USP49: variants seen among roughly 807,000 people sequenced by gnomAD.
USP49 encodes ubiquitin carboxyl-terminal hydrolase 49.
Under a neutral mutation model 58.6 loss-of-function variants are expected in USP49, and 24 were observed. The observed-to-expected ratio is 0.41, with a 90% CI of 0.30 to 0.58. The LOEUF is 0.58. Ranked by LOEUF, USP49 falls within the 20% of genes least tolerant of loss-of-function variation. The pLI, the probability that USP49 is intolerant of heterozygous loss-of-function variation, is 0.30. For synonymous variants in USP49, 408 were observed against 365.1 expected, an observed-to-expected ratio of 1.12 and a Z score of -1.34; for missense variants, 703 against 866.1, an observed-to-expected ratio of 0.81 and a Z score of 2.36.
In USP49 at chr6:41,791,761, G is replaced by A. The variant is rs1772801848; in HGVS notation, c.*4772C>T. 1.3e-5 allele frequency: 2 copies of A among 152,190 alleles called. No individual in the cohort carries two copies. The highest frequency in any genetic ancestry group is 4.8e-5 in the African/African-American group (2 of 41,442). 9.4% of individuals were successfully genotyped at this position (152,190 alleles called of 1,614,324 possible). On this transcript the variant is annotated 3_prime_UTR_variant, in exon 8 of 8. Transcript: ENST00000682992. ...AGAGTGTGGGATGAATAAGTACATA[G>A]TAATTAAAGTCATAGTCCTGGCCCA...
chr6:41,841,022 A>G (rs954811747), intron 3 of USP49, among the ~76,000 whole-genome samples: 3 of 151,744 alleles, frequency 2.0e-5, no homozygotes, highest in Admixed American at 6.6e-5. Context: ...TTCAAAAAAA[A>G]AAACAAAAAA....
chr6:41,889,252 C>G (rs960755563), intron 2 of USP49, among the ~76,000 whole-genome samples: 1 of 152,034 alleles, frequency 6.6e-6, no homozygotes, highest in Admixed American at 6.6e-5. Flanking sequence ...AGGCTGGTCT[C>G]AAACTCCTGG....
chr6:41,858,234 G>A (rs954948960), intron 3 of USP49, among the ~76,000 whole-genome samples: 48 of 152,168 alleles, frequency 3.2e-4, no homozygotes, highest in Non-Finnish European at 2.5e-4. Flanking sequence ...CATAATGGGT[G>A]TAATAAATAT....
At chr6:41,808,251 A>AG (rs1773178296) in intron 3 of USP49, among the ~76,000 whole-genome samples, 1 of 152,182 alleles carries the variant, frequency 6.6e-6, no homozygotes, top group South Asian at 2.1e-4. Context: ...AAGAAAAAAA[A>AG]GCAACGAATC....
chr6:41,836,602 G>T lies in USP49; in HGVS notation c.-28-29591C>A, dbSNP rs76315033. On this transcript the variant is annotated intron_variant, in intron 3 of 7. Transcript: ENST00000682992. Reference sequence around the variant, plus strand: ...AAACTATATTTGCAGATGATATAATGTTATAACTAGATCTTGGACAAGGTA... The same window carrying T: ...AAACTATATTTGCAGATGATATAATTTTATAACTAGATCTTGGACAAGGTA... 1.6e-3 allele frequency among the ~76,000 whole-genome samples: 238 copies of T among 152,188 alleles called. 1 individual carries two copies. Among genetic ancestry groups the T allele is most frequent in the South Asian group, 9.5e-3 (46 of 4,822 alleles).
chr6:41,840,804 T>C (rs1030452116), intron 3 of USP49, among the ~76,000 whole-genome samples: 1 of 152,124 alleles, frequency 6.6e-6, no homozygotes, highest in Admixed American at 6.5e-5. Flanking sequence ...AATGTCTAAT[T>C]TTTAAAAAAC....
chr6:41,878,257 T>C (rs999199119), intron 2 of USP49, among the ~76,000 whole-genome samples: 1 of 152,178 alleles, frequency 6.6e-6, no homozygotes, highest in Non-Finnish European at 1.5e-5. Context: ...TGGGGCAGGC[T>C]GGGATAAAAG....
chr6:41,799,071 T>C, intron 6 of USP49, 142 bp from the exon 7 acceptor site: 5 of 805,476 alleles, frequency 6.2e-6, no homozygotes, highest in Middle Eastern at 4.0e-4. Flanking sequence ...TGGTAATCAA[T>C]GTTCACACTT....
Position 41,804,001 on chromosome 6 carries a change from T to C in USP49, c.1366A>G (p.Ile456Val), listed in dbSNP as rs1327787134. ...GTATTGGATTTGTAATTGCATGATA[T>C]ACATGTGACCTAGAATGAAAAGATT... Reference protein sequence around the residue: ...HGQLLSQVTCISCNYKSNTIE... With the variant: ...HGQLLSQVTCVSCNYKSNTIE... Residue 456 changes from isoleucine (I) to valine (V), a missense_variant, in exon 5 of 8, where the codon ATA becomes GTA. By Grantham distance (29) the Ile-to-Val change is conservative. Around this residue, in one of 6 missense-constraint regions of USP49, gnomAD observed 158 missense variants for 241.2 expected, o/e 0.66. Coordinates refer to ENST00000682992, the MANE Select transcript of USP49 (RefSeq NM_001286554.2). 1.2e-6 allele frequency: 2 copies of C among 1,614,026 alleles called. No homozygotes were observed. Among genetic ancestry groups the C allele is most frequent in the Admixed American group, 1.7e-5 (1 of 60,032 alleles).
chr6:41,863,419 T>C (rs1187253927), intron 3 of USP49, among the ~76,000 whole-genome samples: 4 of 152,194 alleles, frequency 2.6e-5, no homozygotes, highest in African/African-American at 7.2e-5. Context: ...CATGCCTGCA[T>C]TATTACTGTT....
At chr6:41,880,461 C>T (rs1005930109) in intron 2 of USP49, among the ~76,000 whole-genome samples, 4 of 152,086 alleles carry the variant, frequency 2.6e-5, no homozygotes, top group Admixed American at 2.6e-4. Context: ...GCATAACAGA[C>T]AAAACAAGGC....
intron 2 of USP49, among the ~76,000 whole-genome samples, chr6:41,889,101 C>A (rs1044386113): frequency 6.6e-6 from 1 of 151,590 alleles, no homozygotes; most frequent in Non-Finnish European, 1.5e-5. Flanking sequence ...GGCTTGATCT[C>A]GGCTCACTGC....
chr6:41,839,846 G>A (rs1417254062), intron 3 of USP49, among the ~76,000 whole-genome samples: 2 of 150,260 alleles, frequency 1.3e-5, no homozygotes, highest in African/African-American at 2.4e-5. Flanking sequence ...GGGGGTTAGG[G>A]TGGGAGGGGG....
intron 3 of USP49, among the ~76,000 whole-genome samples, chr6:41,808,503 G>A (rs966003249): frequency 6.7e-6 from 1 of 149,246 alleles, no homozygotes; most frequent in Non-Finnish European, 1.5e-5. Context: ...TCCACCTCCC[G>A]GGTTCAAGCG....
At chr6:41,853,999 C>CAA (rs752353657) in intron 3 of USP49, among the ~76,000 whole-genome samples, 14,798 of 58,434 alleles carry the variant, frequency 0.25, 3,482 homozygotes, top group East Asian at 0.34. Flanking sequence ...GACTCTGTCT[C>CAA]GAAAAAAAAA....
chr6:41,815,700 G>A (rs1773337771), intron 3 of USP49, among the ~76,000 whole-genome samples: 1 of 152,156 alleles, frequency 6.6e-6, no homozygotes, highest in South Asian at 2.1e-4. Flanking sequence ...TGTGTTCTTA[G>A]CTCTCTGACC....
At chr6:41,816,465 C>T (rs944469353) in intron 3 of USP49, among the ~76,000 whole-genome samples, 1 of 152,138 alleles carries the variant, frequency 6.6e-6, no homozygotes, top group Non-Finnish European at 1.5e-5. Context: ...TCTGTAATTA[C>T]ATCTCTGTTT....
chr6:41,844,003 C>G (rs1724820842), intron 3 of USP49, among the ~76,000 whole-genome samples: 1 of 151,986 alleles, frequency 6.6e-6, no homozygotes, highest in Non-Finnish European at 1.5e-5. Context: ...AAGATTGCAC[C>G]ATTGCCCTCC....
At chr6:41,854,295 C>T (rs945197807) in intron 3 of USP49, among the ~76,000 whole-genome samples, 5 of 132,164 alleles carry the variant, frequency 3.8e-5, no homozygotes, top group East Asian at 2.2e-4. Context: ...CCGGGCTGTG[C>T]GACAGAGCGA....
Sources: gnomAD v4.1 joint callset for allele counts (sites outside exome capture counted in the v4.1 genomes callset) on GRCh38, gnomAD v4.1.1 for gene constraint, gnomAD v4.1.1 regional missense constraint, MANE v1.5 for transcripts, NCBI Gene and HGNC (gene_info 2026-07-23, HGNC 2026-07-21) for gene names.